Variants in NPNT observed in about 807,000 individuals in gnomAD.
NPNT encodes the protein nephronectin, also known as preosteoblast EGF-like repeat protein with MAM domain.
A neutral mutation model predicts 68.6 loss-of-function variants in NPNT; 45 were observed. The observed-to-expected ratio is 0.66, with a 90% confidence interval of 0.52 to 0.84. NPNT has a LOEUF of 0.84. NPNT is among the 40% of genes least tolerant of loss of function. NPNT has a pLI of 0.00. For synonymous variants in NPNT, 233 were observed against 253.3 expected, an observed-to-expected ratio of 0.92 and a Z score of 0.76; for missense variants, 672 against 714.8, an observed-to-expected ratio of 0.94 and a Z score of 0.68.
At chr4:105,922,911 T>C (rs1187845218) in intron 2 of NPNT, among the ~76,000 whole-genome samples, 2 of 152,182 alleles carry the variant, frequency 1.3e-5, no homozygotes, top group African/African-American at 4.8e-5. Flanking sequence ...ATTAAGTTGC[T>C]AAACCATATT....
intron 8 of NPNT, among the ~76,000 whole-genome samples, chr4:105,945,011 C>A (rs1022849588): frequency 2.0e-5 from 3 of 152,200 alleles, no homozygotes; most frequent in Admixed American, 2.0e-4. Flanking sequence ...CATCCTTATT[C>A]TCCGAGACAG....
chr4:105,950,718 C>G (rs1730758048), intron 8 of NPNT, among the ~76,000 whole-genome samples: 1 of 152,124 alleles, frequency 6.6e-6, no homozygotes. Flanking sequence ...CATGACAGAC[C>G]CAGTAGGGTT....
chr4:105,944,944 G>C (rs1281989606), intron 8 of NPNT, among the ~76,000 whole-genome samples: 1 of 152,196 alleles, frequency 6.6e-6, no homozygotes, highest in Non-Finnish European at 1.5e-5. Flanking sequence ...CACTATTTCA[G>C]TTCAACACCA....
At chr4:105,924,804 T>G (rs1356136793) in intron 2 of NPNT, among the ~76,000 whole-genome samples, 1 of 152,136 alleles carries the variant, frequency 6.6e-6, no homozygotes, top group African/African-American at 2.4e-5. Context: ...CTAAATAAAT[T>G]TTTTATGTTT....
chr4:105,912,919 G>A (rs1727484997), intron 2 of NPNT, among the ~76,000 whole-genome samples: 1 of 152,220 alleles, frequency 6.6e-6, no homozygotes, highest in South Asian at 2.1e-4. Context: ...CCAAGGTGGA[G>A]TGCGCTGGTG....
At chr4:105,919,257 C>T (rs1004664514) in intron 2 of NPNT, among the ~76,000 whole-genome samples, 36 of 151,796 alleles carry the variant, frequency 2.4e-4, no homozygotes, top group Admixed American at 5.9e-4. Context: ...TTTCTCTCTT[C>T]CTTCCCGCCT....
intron 2 of NPNT, among the ~76,000 whole-genome samples, chr4:105,922,758 G>A (rs1728355420): frequency 1.3e-5 from 2 of 152,196 alleles, no homozygotes; most frequent in African/African-American, 2.4e-5. Context: ...AGGGCACTTT[G>A]AAGATTATGC....
At chr4:105,968,431 T>TGATTG (rs574471961) in intron 11 of NPNT, among the ~76,000 whole-genome samples, 39 of 152,336 alleles carry the variant, frequency 2.6e-4, no homozygotes, top group African/African-American at 9.1e-4. Context: ...AGCAACAGTG[T>TGATTG]GATTGGATTA....
chr4:105,913,849 A>G (rs563718526), intron 2 of NPNT, among the ~76,000 whole-genome samples: 28 of 152,282 alleles, frequency 1.8e-4, no homozygotes, highest in African/African-American at 6.3e-4. Context: ...TCCGAGTGGA[A>G]CAGTTTTGGT....
At position 105,930,808 on chromosome 4, in the gene NPNT, T is replaced by A. The variant is rs904292354; in HGVS notation, c.265+3380T>A. On this transcript the variant is annotated intron_variant, in intron 3 of 11. Transcript: ENST00000379987. ...TAAACAAGTGCTTAACCAGTGCCTT[T>A]AGAGCTGCCTGGGAAACAGCCAGAA... Among the ~76,000 whole-genome samples the A allele has an allele frequency of 5.0e-4, 76 of 152,196 alleles. 2 individuals carry two copies. Among genetic ancestry groups the A allele is most frequent in the Admixed American group, 5.0e-3 (76 of 15,262 alleles).
At chr4:105,956,013 A>G (rs1731196072) in intron 8 of NPNT, among the ~76,000 whole-genome samples, 1 of 152,172 alleles carries the variant, frequency 6.6e-6, no homozygotes, top group African/African-American at 2.4e-5. Context: ...ATGAAGGTAT[A>G]CATGATCATC....
Position 105,942,615 on chromosome 4 carries a change from G to A in NPNT, c.1072G>A (p.Ala358Thr). 6.2e-7 allele frequency: 1 copy of A among 1,613,938 alleles called. No homozygotes were observed. The highest frequency in any genetic ancestry group is 8.5e-7 in the Non-Finnish European group (1 of 1,179,980). Residue 358 changes from alanine to threonine, a missense_variant, in exon 8 of 12, where the codon GCA becomes ACA. Transcript: ENST00000379987. ...GCCAACCACCGGACTGACAACTATA[G>A]CACCAGCTGCCAGTACACCTCCAGG... ...ERPTTGLTTI[A>T]PAASTPPGGI... is the part of the protein sequence containing the mutation.
intron 1 of NPNT, among the ~76,000 whole-genome samples, chr4:105,896,520 A>G (rs1175233029): frequency 1.3e-5 from 2 of 152,118 alleles, no homozygotes; most frequent in Non-Finnish European, 2.9e-5. Context: ...CCTCTGTGCA[A>G]TTACAGACTA....
At chr4:105,932,676 C>T (rs1448723872) in intron 3 of NPNT, 1 of 1,536,034 alleles carries the variant, frequency 6.5e-7, no homozygotes, top group Non-Finnish European at 8.7e-7. Context: ...ACCCCTGGAT[C>T]ACCAAGCCAC....
intron 7 of NPNT, among the ~76,000 whole-genome samples, chr4:105,941,353 GA>G (rs917975561): frequency 1.3e-4 from 20 of 148,684 alleles, no homozygotes; most frequent in South Asian, 1.1e-3. Context: ...TGTCTCAAAA[GA>G]AAAAAAAAGC....
In NPNT at chr4:105,940,211, T is replaced by G; in HGVS notation, c.640+2T>G. The G allele has an allele frequency of 6.2e-7, 1 of 1,612,964 alleles. No individual in the cohort carries two copies. Among genetic ancestry groups the G allele is most frequent in the Non-Finnish European group, 8.5e-7 (1 of 1,179,292 alleles). On this transcript the variant is annotated splice_donor_variant, in intron 6 of 11. Coordinates refer to ENST00000379987, the MANE Select transcript of NPNT (RefSeq NM_001033047.3). LOFTEE classifies it high-confidence loss of function. Reference sequence around the variant, plus strand: ...TTGGAGGCAAATATCAATGTCATGGTAATGAAACCCAACCATTGCTTTGTG... The same window carrying G: ...TTGGAGGCAAATATCAATGTCATGGGAATGAAACCCAACCATTGCTTTGTG...
intron 2 of NPNT, among the ~76,000 whole-genome samples, chr4:105,899,723 C>A (rs1179668352): frequency 6.6e-6 from 1 of 152,176 alleles, no homozygotes; most frequent in Non-Finnish European, 1.5e-5. Flanking sequence ...TAAAAAGGCA[C>A]AAATGGTTCT....
Position 105,964,397 on chromosome 4 carries a change from A to C in NPNT, c.1346-2791A>C, listed in dbSNP as rs368104228. Among the ~76,000 whole-genome samples the C allele has an allele frequency of 3.9e-5, 6 of 152,322 alleles. No individual in the cohort carries two copies. In the South Asian group the frequency reaches 1.2e-3, roughly 32 times the overall value. On this transcript the variant is annotated intron_variant, in intron 10 of 11. Coordinates refer to ENST00000379987, the MANE Select transcript of NPNT (RefSeq NM_001033047.3). ...ATTTAATATATGTTAGACTATATCC[A>C]TAGAATAAATTCCTAAATGTGGAAT...
At chr4:105,921,960 G>A (rs1161635352) in intron 2 of NPNT, among the ~76,000 whole-genome samples, 1 of 152,110 alleles carries the variant, frequency 6.6e-6, no homozygotes, top group African/African-American at 2.4e-5. Flanking sequence ...ACCCTTGCAT[G>A]TTTCTCTGTC....
Sources: allele counts gnomAD v4.1 joint callset (sites outside exome capture counted in the v4.1 genomes callset), GRCh38; gene constraint gnomAD v4.1.1; transcripts MANE v1.5; gene names NCBI Gene and HGNC (gene_info 2026-07-23, HGNC 2026-07-21).